RPS6KA5: variants seen among roughly 807,000 people sequenced by gnomAD.
RPS6KA5 encodes the protein ribosomal protein S6 kinase A5.
RPS6KA5 carries 27 observed loss-of-function variants against 85.5 expected under a neutral mutation model. The ratio of observed to expected loss-of-function variants is 0.32; its 90% CI spans 0.23 to 0.44. The LOEUF (loss-of-function observed/expected upper bound fraction) is 0.44. Ranked by LOEUF, RPS6KA5 falls within the 20% of genes least tolerant of loss-of-function variation. The pLI is 1.00. For missense variants in RPS6KA5, 811 were observed against 980.9 expected (o/e 0.83, Z 2.31); for synonymous variants, 334 against 348.2 (o/e 0.96, Z 0.46).
Position 90,870,891 on chromosome 14 carries a change from CATAGTACTTGTTTTCTGTATG to C in RPS6KA5, c.*1162_*1182del, listed in dbSNP as rs2033065862. The C allele has an allele frequency of 2.1e-5, 3 of 140,460 alleles. No individual in the cohort carries two copies. In the Admixed American group the frequency reaches 2.3e-4, roughly 11 times the overall value. The allele number at this position is 140,460 out of a possible 1,614,324, so 8.7% of individuals were successfully genotyped here. A position where few individuals can be genotyped will look rare whatever the true frequency, so the allele number is the denominator to read the frequency against. On this transcript the variant is annotated 3_prime_UTR_variant, in exon 17 of 17. Coordinates refer to ENST00000614987, the MANE Select transcript of RPS6KA5 (RefSeq NM_004755.4). Reference sequence around the variant, plus strand: ...ATCTTTTAATGAAATGTTTTCATCACATAGTACTTGTTTTCTGTATGAATTCAGAACTTTTGAGCAATAAAA... The same window carrying C: ...ATCTTTTAATGAAATGTTTTCATCACAATTCAGAACTTTTGAGCAATAAAA...
chr14:90,920,540 T>A (rs1375387529), intron 6 of RPS6KA5, among the ~76,000 whole-genome samples: 1 of 152,094 alleles, frequency 6.6e-6, no homozygotes, highest in Non-Finnish European at 1.5e-5. Context: ...AGTAACCGTT[T>A]ACCTTGATAA....
At chr14:91,045,390 A>T (rs2042828052) in intron 1 of RPS6KA5, among the ~76,000 whole-genome samples, 1 of 151,464 alleles carries the variant, frequency 6.6e-6, no homozygotes, top group Non-Finnish European at 1.5e-5. Flanking sequence ...CAGCCTCCTG[A>T]GTAACTGGGA....
At chr14:90,891,016 C>A (rs2034521019) in intron 13 of RPS6KA5, among the ~76,000 whole-genome samples, 1 of 152,032 alleles carries the variant, frequency 6.6e-6, no homozygotes. Context: ...AGATACTATC[C>A]TAACTGTCCT....
At chr14:90,975,623 G>A (rs779017493) in intron 3 of RPS6KA5, among the ~76,000 whole-genome samples, 1 of 152,196 alleles carries the variant, frequency 6.6e-6, no homozygotes, top group Non-Finnish European at 1.5e-5. Flanking sequence ...TGGACTTCCA[G>A]CCTCCAGTAC....
chr14:90,872,441 A>T, intron 16 of RPS6KA5, 119 bp from the exon 17 acceptor site: 1 of 1,287,836 alleles, frequency 7.8e-7, no homozygotes, highest in South Asian at 1.6e-5. Flanking sequence ...AGTTGTTTTA[A>T]GGGAACAAAG....
intron 5 of RPS6KA5, among the ~76,000 whole-genome samples, chr14:90,940,360 G>C (rs564258435): frequency 3.3e-5 from 5 of 152,154 alleles, no homozygotes; most frequent in South Asian, 2.1e-4. Context: ...TATTTGACTG[G>C]ATCTCCATCA....
chr14:90,949,661 G>A (rs1288912068), intron 3 of RPS6KA5, among the ~76,000 whole-genome samples: 1 of 152,158 alleles, frequency 6.6e-6, no homozygotes, highest in Non-Finnish European at 1.5e-5. Context: ...AAAACAAACA[G>A]GGCTTTGTAA....
At chr14:90,913,476 T>C (rs1483136330) in intron 7 of RPS6KA5, among the ~76,000 whole-genome samples, 1 of 151,556 alleles carries the variant, frequency 6.6e-6, no homozygotes, top group Non-Finnish European at 1.5e-5. Context: ...TTCCTCTCAA[T>C]GGCTAAGGCT....
intron 2 of RPS6KA5, among the ~76,000 whole-genome samples, chr14:90,992,077 T>G: frequency 6.6e-6 from 1 of 152,176 alleles, no homozygotes; most frequent in Non-Finnish European, 1.5e-5. Context: ...TCTTTCCTAT[T>G]ATTCTAAGTA....
At chr14:90,933,605 G>A (rs1025405496) in intron 5 of RPS6KA5, among the ~76,000 whole-genome samples, 2 of 152,074 alleles carry the variant, frequency 1.3e-5, no homozygotes. Context: ...TTCCACACTT[G>A]TCCCACTACA....
chr14:90,907,039 A>G (rs1034676316), intron 7 of RPS6KA5, among the ~76,000 whole-genome samples: 11 of 152,220 alleles, frequency 7.2e-5, no homozygotes, highest in African/African-American at 2.7e-4. Context: ...ATTTATTCTA[A>G]GGATACAGAA....
intron 5 of RPS6KA5, among the ~76,000 whole-genome samples, chr14:90,926,262 G>A (rs151231539): frequency 8.6e-5 from 13 of 151,534 alleles, no homozygotes; most frequent in East Asian, 2.0e-4. Context: ...ATGGTGGCAC[G>A]TGCCTGTAGT....
intron 3 of RPS6KA5, 97 bp downstream of exon 3, chr14:90,978,209 C>A: frequency 1.2e-6 from 1 of 845,042 alleles, no homozygotes; most frequent in South Asian, 2.3e-5. Context: ...TATTTCACTT[C>A]TTCTAAGTCC....
intron 1 of RPS6KA5, among the ~76,000 whole-genome samples, chr14:91,053,484 C>A (rs1286726429): frequency 6.6e-6 from 1 of 152,094 alleles, no homozygotes; most frequent in East Asian, 1.9e-4. Flanking sequence ...ACTATTAGAA[C>A]CAATAAACTA....
intron 5 of RPS6KA5, among the ~76,000 whole-genome samples, chr14:90,928,595 A>C (rs1454594766): frequency 6.6e-6 from 1 of 151,860 alleles, no homozygotes; most frequent in African/African-American, 2.4e-5. Context: ...ATTCTGAAGA[A>C]ACTGATGTCA....
intron 2 of RPS6KA5, among the ~76,000 whole-genome samples, chr14:90,996,497 T>C (rs1199869968): frequency 6.6e-6 from 1 of 152,226 alleles, no homozygotes; most frequent in African/African-American, 2.4e-5. Context: ...AGAAGTTATC[T>C]GTTATTACAG....
chr14:90,976,202 G>GAAAAA (rs5810526), intron 3 of RPS6KA5, among the ~76,000 whole-genome samples: 15 of 108,988 alleles, frequency 1.4e-4, no homozygotes, highest in African/African-American at 1.7e-4. Context: ...TAAGAGAACA[G>GAAAAA]AAAAAAAAAA....
At chr14:91,009,751 C>CTAAA (rs1440508892) in intron 1 of RPS6KA5, among the ~76,000 whole-genome samples, 1 of 152,106 alleles carries the variant, frequency 6.6e-6, no homozygotes, top group African/African-American at 2.4e-5. Context: ...AGACAAGGAA[C>CTAAA]TAAAGTTCTG....
chr14:90,984,895 T>C (rs1015612179), intron 2 of RPS6KA5, among the ~76,000 whole-genome samples: 1 of 152,208 alleles, frequency 6.6e-6, no homozygotes, highest in Non-Finnish European at 1.5e-5. Flanking sequence ...TCTTTCATTT[T>C]ATTTGCAAAA....
Sources: gnomAD v4.1 joint callset for allele counts (sites outside exome capture counted in the v4.1 genomes callset) on GRCh38, gnomAD v4.1.1 for gene constraint, MANE v1.5 for transcripts, NCBI Gene and HGNC (gene_info 2026-07-23, HGNC 2026-07-21) for gene names.